The following DYSF variants were observed in gnomAD, a reference collection of about 807,000 sequenced individuals.
DYSF encodes dysferlin.
In DYSF, 212 loss-of-function variants were observed where a neutral mutation model predicts 274.9. The ratio of observed to expected loss-of-function variants is 0.77; its 90% CI spans 0.69 to 0.86. The LOEUF is 0.86. Among genes scored for constraint, DYSF ranks in the 40% least tolerant of loss-of-function variants. The pLI is 0.00. For synonymous variants in DYSF, 1,091 were observed against 1,078.7 expected (o/e 1.01, Z -0.22); for missense variants, 2,666 against 2,783.2 (o/e 0.96, Z 0.95).
At chr2:71,526,402 T>TGGGG in intron 13 of DYSF, 56 bp downstream of exon 13, 1 of 520,726 alleles carries the variant, frequency 1.9e-6, no homozygotes, top group Non-Finnish European at 2.7e-6. Context: ...GGCGCAGGGC[T>TGGGG]GGTGGGGGTG....
rs532674699 is a variant in DYSF, at chr2:71,532,023, C to G, written c.1381-2998C>G. On this transcript the variant is annotated intron_variant, in intron 14 of 55. Transcript: ENST00000410020. ...CAGGGTTCATGGTGACCTTATAGAT[C>G]ATAACTACCATGAATAATGAGAATC... Among the ~76,000 whole-genome samples the G allele has an allele frequency of 2.0e-5, 3 of 152,254 alleles. No individual in the cohort carries two copies. In the South Asian group the frequency reaches 6.2e-4, roughly 32 times the overall value.
At chr2:71,553,751 C>CCAAAA in intron 20 of DYSF, 56 bp from the exon 21 acceptor site, 47 of 1,045,026 alleles carry the variant, frequency 4.5e-5, no homozygotes, top group Non-Finnish European at 5.6e-5. Context: ...CTTAGCACCC[C>CCAAAA]ATCCCACCCG....
chr2:71,454,111 C>T, intron 1 of DYSF: 1 of 1,608,212 alleles, frequency 6.2e-7, no homozygotes, highest in Non-Finnish European at 8.5e-7. Flanking sequence ...CCACCCTCGC[C>T]CGGGGTCGGG....
chr2:71,519,876 T>C (rs1392160819), intron 10 of DYSF, among the ~76,000 whole-genome samples: 2 of 147,782 alleles, frequency 1.4e-5, no homozygotes, highest in Admixed American at 1.4e-4. Flanking sequence ...TTGGTCAGGC[T>C]GGTCTCGAAC....
Position 71,686,638 on chromosome 2 carries a change from C to A in DYSF, c.*146C>A, listed in dbSNP as rs577885141. ...GGGCAGACAGACAGATGGACCGGCC[C>A]ACACTCCCAGAGTTGCTAACATGGA... On this transcript the variant is annotated 3_prime_UTR_variant, in exon 56 of 56. Transcript: ENST00000410020. 2 of 918,848 alleles carry A rather than the reference C, an allele frequency of 2.2e-6. No individual in the cohort carries two copies. The highest frequency in any genetic ancestry group is 4.9e-5 in the East Asian group (2 of 40,826). 56.9% of individuals were successfully genotyped at this position (918,848 alleles called of 1,614,324 possible).
chr2:71,454,083 G>A, exon 1 of DYSF: 2 of 1,613,904 alleles, frequency 1.2e-6, no homozygotes, highest in African/African-American at 1.3e-5. Context: ...CGCGGTGTTT[G>A]CAGGTAGGAG....
chr2:71,513,778 C>G lies in DYSF; in HGVS notation c.616C>G (p.Leu206Val). 5.6e-6 allele frequency: 9 copies of G among 1,614,212 alleles called. No homozygotes were observed. The highest frequency in any genetic ancestry group is 7.6e-6 in the Non-Finnish European group (9 of 1,180,020). Reference sequence around the variant, plus strand: ...CACTGGAGATGAGGCGGAGCCATTCCTGGATCAAAGCGGAGGCCCGGGGGC... The same window carrying G: ...CACTGGAGATGAGGCGGAGCCATTCGTGGATCAAAGCGGAGGCCCGGGGGC... ...GLTGDEAEPFLDQSGGPGAPT... is the reference protein window; with the variant it reads ...GLTGDEAEPFVDQSGGPGAPT... Residue 206 changes from leucine to valine, a missense_variant, in exon 7 of 56, where the codon CTG becomes GTG. Around this residue, in one of 3 missense-constraint regions of DYSF, gnomAD observed 794 missense variants for 777.1 expected, o/e 1.02. Transcript: ENST00000410020.
At chr2:71,543,082 G>A (rs9751531) in intron 17 of DYSF, among the ~76,000 whole-genome samples, 1,472 of 132,342 alleles carry the variant, frequency 0.011, 26 homozygotes, top group African/African-American at 0.041. Flanking sequence ...GCTGCCGGGC[G>A]GAGACGCTCC....
At chr2:71,563,988 T>C in intron 23 of DYSF, 70 bp from the exon 24 acceptor site, 1 of 1,605,680 alleles carries the variant, frequency 6.2e-7, no homozygotes, top group African/African-American at 1.3e-5. Context: ...AGAGGTCAGC[T>C]CACGGTGTGG....
intron 1 of DYSF, among the ~76,000 whole-genome samples, chr2:71,477,575 T>C (rs928078408): frequency 3.3e-5 from 5 of 152,196 alleles, no homozygotes; most frequent in Non-Finnish European, 7.3e-5. Flanking sequence ...AGTGTAATTT[T>C]TTGGTAGGGC....
intron 2 of DYSF, 138 bp from the exon 3 acceptor site, chr2:71,481,741 T>C: frequency 1.4e-6 from 1 of 716,316 alleles, no homozygotes; most frequent in Non-Finnish European, 2.5e-6. Context: ...CTTCCATCCA[T>C]CCATTGATCC....
chr2:71,655,178 A>G (rs2094745299), intron 42 of DYSF, among the ~76,000 whole-genome samples: 1 of 152,106 alleles, frequency 6.6e-6, no homozygotes, highest in Non-Finnish European at 1.5e-5. Flanking sequence ...TATATAAAGA[A>G]AATATTCAAA....
chr2:71,509,462 G>A (rs984972188), intron 4 of DYSF, among the ~76,000 whole-genome samples: 17 of 152,224 alleles, frequency 1.1e-4, no homozygotes, highest in Non-Finnish European at 1.8e-4. Context: ...GTACCTGGCC[G>A]TACCCAGGAG....
Position 71,686,517 on chromosome 2 carries a change from G to T in DYSF, c.*25G>T. On this transcript the variant is annotated 3_prime_UTR_variant, in exon 56 of 56. Transcript: ENST00000410020. ...AGGACTCTCCTGCCCTGTAGAAGGG[G>T]CCGTGGGGTCCCCTCCAGCATGGGA... 1 of 1,613,810 alleles carries T rather than the reference G, an allele frequency of 6.2e-7. No individual in the cohort carries two copies. The highest frequency in any genetic ancestry group is 1.1e-5 in the South Asian group (1 of 91,080).
intron 13 of DYSF, among the ~76,000 whole-genome samples, chr2:71,527,678 A>G (rs2088102649): frequency 6.6e-6 from 1 of 152,214 alleles, no homozygotes; most frequent in African/African-American, 2.4e-5. Flanking sequence ...TAGCTAGCGT[A>G]TAATCTTTAT....
At chr2:71,523,381 CCTAATG>C (rs1360521534) in intron 12 of DYSF, among the ~76,000 whole-genome samples, 1 of 152,108 alleles carries the variant, frequency 6.6e-6, no homozygotes, top group Non-Finnish European at 1.5e-5. Context: ...TAAAGTCCAT[CCTAATG>C]CTGTCCAGCT....
chr2:71,556,065 G>C lies in DYSF; in HGVS notation c.2210G>C (p.Gly737Ala). 1 of 1,568,360 alleles carries C rather than the reference G, an allele frequency of 6.4e-7. No individual in the cohort carries two copies. Among genetic ancestry groups the C allele is most frequent in the African/African-American group, 1.3e-5 (1 of 74,512 alleles). ...VAQLTDELIAGCSQPLGDIHE... is the reference protein window; with the variant it reads ...VAQLTDELIAACSQPLGDIHE... ...CAGCTGACGGATGAGCTCATCGCAG[G>C]CTGCAGGTAGGGGGGACCTGGCGCC... is the stretch of plus-strand genomic sequence containing the variant. Residue 737 changes from glycine to alanine, a missense_variant, in exon 22 of 56, where the codon GGC becomes GCC. Gly to Ala is a moderately conservative substitution (Grantham distance 60). Around this residue, in one of 3 missense-constraint regions of DYSF, gnomAD observed 412 missense variants for 504.0 expected, o/e 0.82. Transcript: ENST00000410020.
intron 4 of DYSF, among the ~76,000 whole-genome samples, chr2:71,506,995 G>C (rs2085542500): frequency 6.6e-6 from 1 of 152,114 alleles, no homozygotes; most frequent in Non-Finnish European, 1.5e-5. Flanking sequence ...TGTCGGTGTA[G>C]AAACACCGGA....
chr2:71,458,012 G>T (rs59085769), intron 1 of DYSF, among the ~76,000 whole-genome samples: 26,466 of 152,114 alleles, frequency 0.17, 2,594 homozygotes, highest in East Asian at 0.45. Flanking sequence ...TAACAGCATC[G>T]AACAAGAGGG....
Sources: gnomAD v4.1 joint callset for allele counts (sites outside exome capture counted in the v4.1 genomes callset) on GRCh38, gnomAD v4.1.1 for gene constraint, gnomAD v4.1.1 regional missense constraint, MANE v1.5 for transcripts, NCBI Gene and HGNC (gene_info 2026-07-23, HGNC 2026-07-21) for gene names.